Variants in CFDP1 observed in about 807,000 individuals in gnomAD.
CFDP1 encodes the protein heterochromatin-stabilizing protein CFDP1.
A neutral mutation model predicts 40.1 loss-of-function variants in CFDP1; 31 were observed. The observed-to-expected ratio is 0.77, with a 90% CI of 0.58 to 1.04. CFDP1 has a LOEUF of 1.04. CFDP1 is among the 50% of genes least tolerant of loss of function. CFDP1 has a pLI of 0.00. For missense variants in CFDP1, 423 were observed against 343.4 expected, an observed-to-expected ratio of 1.23 and a Z score of -1.83; for synonymous variants, 167 against 120.0, an observed-to-expected ratio of 1.39 and a Z score of -2.56.
chr16:75,364,679 T>C (rs993761373), intron 5 of CFDP1, among the ~76,000 whole-genome samples: 1 of 152,228 alleles, frequency 6.6e-6, no homozygotes, highest in African/African-American at 2.4e-5. Flanking sequence ...TTTTTTTGTA[T>C]TGGAAAATAT....
chr16:75,336,851 C>A (rs936427509), intron 5 of CFDP1, among the ~76,000 whole-genome samples: 3 of 152,176 alleles, frequency 2.0e-5, no homozygotes, highest in African/African-American at 4.8e-5. Flanking sequence ...AAATTTGTCT[C>A]TTTATTAACA....
intron 6 of CFDP1, among the ~76,000 whole-genome samples, chr16:75,295,582 T>A (rs11641532): frequency 6.6e-6 from 1 of 152,020 alleles, no homozygotes; most frequent in Non-Finnish European, 1.5e-5. Flanking sequence ...TCTGGACTTA[T>A]GGTTTCAGCA....
chr16:75,419,575 G>A (rs542847641), intron 1 of CFDP1, among the ~76,000 whole-genome samples: 1 of 152,252 alleles, frequency 6.6e-6, no homozygotes, highest in East Asian at 1.9e-4. Flanking sequence ...ATAGCGACTG[G>A]GTAAAACAAG....
chr16:75,391,285 T>C (rs1043003813), intron 5 of CFDP1: 15 of 152,238 alleles, frequency 9.9e-5, no homozygotes, highest in African/African-American at 2.9e-4. Context: ...AAGAGCTTCT[T>C]TGCCTTTATT....
chr16:75,430,918 CA>C, intron 1 of CFDP1, among the ~76,000 whole-genome samples: 1 of 152,266 alleles, frequency 6.6e-6, no homozygotes, highest in African/African-American at 2.4e-5. Context: ...CATCATGGCC[CA>C]AAACAGTCTC....
At chr16:75,384,300 T>C (rs2078874764) in intron 5 of CFDP1, among the ~76,000 whole-genome samples, 1 of 152,014 alleles carries the variant, frequency 6.6e-6, no homozygotes. Context: ...GAGGTTGCAG[T>C]GAGCCGAGCG....
chr16:75,347,365 G>A lies in CFDP1; in HGVS notation c.651-42183C>T, dbSNP rs945602631. 2.1e-3 allele frequency among the ~76,000 whole-genome samples: 144 copies of A among 69,740 alleles called. No individual in the cohort carries two copies. The Middle Eastern group carries it at 0.022, about 11-fold the overall frequency. 45.8% of individuals were successfully genotyped at this position (69,740 alleles called of 152,430 possible). On this transcript the variant is annotated intron_variant, in intron 5 of 6. Transcript: ENST00000283882. ...TCTCAAAAAAAAAAAAAAAAAAAAA[G>A]AAAAAGAAAAAGAAAAAGAAAAAAG...
At chr16:75,431,454 CAA>C (rs60902612) in intron 1 of CFDP1, among the ~76,000 whole-genome samples, 90 of 59,594 alleles carry the variant, frequency 1.5e-3, no homozygotes, top group African/African-American at 4.6e-3. Flanking sequence ...ACTCTTGTCT[CAA>C]AAAAAAAAAA....
chr16:75,333,140 T>C (rs1184111318), intron 5 of CFDP1, among the ~76,000 whole-genome samples: 1 of 145,410 alleles, frequency 6.9e-6, no homozygotes, highest in Non-Finnish European at 1.5e-5. Context: ...TTTTTTTTTT[T>C]TGAGATGGAG....
chr16:75,313,576 C>T (rs2078307867), intron 5 of CFDP1, among the ~76,000 whole-genome samples: 1 of 152,296 alleles, frequency 6.6e-6, no homozygotes, highest in South Asian at 2.1e-4. Context: ...AGTGATCTGC[C>T]CGCCTGGGTC....
chr16:75,295,755 T>C (rs1269927070), intron 6 of CFDP1, among the ~76,000 whole-genome samples: 1 of 152,206 alleles, frequency 6.6e-6, no homozygotes, highest in African/African-American at 2.4e-5. Context: ...AATTACAGGC[T>C]GCCTGGCTGA....
chr16:75,360,856 C>T (rs1043792389), intron 5 of CFDP1, among the ~76,000 whole-genome samples: 1 of 152,136 alleles, frequency 6.6e-6, no homozygotes, highest in Non-Finnish European at 1.5e-5. Flanking sequence ...AAAAATATTA[C>T]AGGTAAGATG....
intron 5 of CFDP1, among the ~76,000 whole-genome samples, chr16:75,386,226 G>C (rs917187085): frequency 2.0e-5 from 3 of 152,128 alleles, no homozygotes; most frequent in Non-Finnish European, 4.4e-5. Flanking sequence ...TTGAGGCTAA[G>C]AGCAAAGGAA....
chr16:75,362,090 G>C (rs1477728453), intron 5 of CFDP1, among the ~76,000 whole-genome samples: 2 of 145,540 alleles, frequency 1.4e-5, no homozygotes, highest in African/African-American at 5.1e-5. Flanking sequence ...ATGCTTGCTA[G>C]TTCCTAGACT....
chr16:75,367,935 C>CAT lies in CFDP1; in HGVS notation c.650+27154_650+27155insAT, dbSNP rs1356745550. On this transcript the variant is annotated intron_variant, in intron 5 of 6. Coordinates refer to ENST00000283882, the MANE Select transcript of CFDP1 (RefSeq NM_006324.3). ...GCCCAGCCAACATGGTGAAACTCTG[C>CAT]CTCTACTAAAAATACAAAAATTAAC... is the stretch of plus-strand genomic sequence containing the variant. Among the ~76,000 whole-genome samples the CAT allele has an allele frequency of 3.9e-3, 589 of 151,932 alleles. 8 individuals carry two copies. Among genetic ancestry groups the CAT allele is most frequent in the African/African-American group, 0.013 (553 of 41,442 alleles).
At chr16:75,389,934 G>C (rs543930243) in intron 5 of CFDP1, among the ~76,000 whole-genome samples, 1 of 152,252 alleles carries the variant, frequency 6.6e-6, no homozygotes, top group Admixed American at 6.5e-5. Flanking sequence ...TACCAACCTT[G>C]AAAGTCATTC....
chr16:75,345,477 A>C (rs187117966), intron 5 of CFDP1, among the ~76,000 whole-genome samples: 133 of 152,202 alleles, frequency 8.7e-4, no homozygotes, highest in African/African-American at 2.3e-3. Flanking sequence ...CAAAACAAAA[A>C]AAAACAAAAC....
chr16:75,382,778 T>C (rs1250176271), intron 5 of CFDP1, among the ~76,000 whole-genome samples: 2 of 152,008 alleles, frequency 1.3e-5, no homozygotes, highest in African/African-American at 2.4e-5. Context: ...ATCTTCCTAA[T>C]TCTCACCTCT....
Position 75,433,438 on chromosome 16 carries a change from C to CCGGCGG in CFDP1, c.-92_-87dup, listed in dbSNP as rs2079452176. 1.5e-6 allele frequency: 2 copies of CCGGCGG among 1,371,446 alleles called. No homozygotes were observed. The highest frequency in any genetic ancestry group is 2.9e-5 in the African/African-American group (2 of 69,446). 85.0% of individuals were successfully genotyped at this position (1,371,446 alleles called of 1,614,324 possible). On this transcript the variant is annotated 5_prime_UTR_variant, in exon 1 of 7. Transcript: ENST00000283882. ...AGCTCTAGGGAGAGACCATAGAGCC[C>CCGGCGG]CGGCGGCGGCGACGGCAGCTAGGGC...
Sources: gnomAD v4.1 joint callset for allele counts (sites outside exome capture counted in the v4.1 genomes callset) on GRCh38, gnomAD v4.1.1 for gene constraint, MANE v1.5 for transcripts, NCBI Gene and HGNC (gene_info 2026-07-23, HGNC 2026-07-21) for gene names.